Variants in SYNE2 observed in about 807,000 individuals in gnomAD.
SYNE2 encodes nesprin-2.
In SYNE2, 431 loss-of-function variants were observed where a neutral mutation model predicts 856.3. That is an observed-to-expected ratio of 0.50 (90% CI 0.47 to 0.55). The LOEUF (loss-of-function observed/expected upper bound fraction) is 0.55, where lower values mean the gene tolerates loss of function less well. Among genes scored for constraint, SYNE2 ranks in the 20% least tolerant of loss-of-function variants. The probability of loss-of-function intolerance (pLI) is 0.00; values close to 1 mark genes in which losing one functional copy is unlikely to be tolerated. For missense variants in SYNE2, 8,129 were observed against 8,023.2 expected (o/e 1.01, Z -0.50); for synonymous variants, 2,923 against 2,872.3 (o/e 1.02, Z -0.56).
chr14:63,770,792 C>T (rs1240388990), intron 1 of SYNE2, among the ~76,000 whole-genome samples: 1 of 152,116 alleles, frequency 6.6e-6, no homozygotes, highest in Non-Finnish European at 1.5e-5. Context: ...CCCATATCCA[C>T]TGTGTGAGCC....
chr14:64,116,835 A>C (rs2097856990), intron 66 of SYNE2, among the ~76,000 whole-genome samples: 1 of 152,256 alleles, frequency 6.6e-6, no homozygotes. Flanking sequence ...GGAAATTGGT[A>C]AGTGAATCAT....
intron 64 of SYNE2, among the ~76,000 whole-genome samples, chr14:64,105,892 T>G (rs1482574929): frequency 6.6e-6 from 1 of 151,812 alleles, no homozygotes. Flanking sequence ...AAACCCTGTC[T>G]CTGTAAAAAA....
intron 23 of SYNE2, among the ~76,000 whole-genome samples, chr14:63,995,444 C>G (rs1162257158): frequency 6.6e-6 from 1 of 152,010 alleles, no homozygotes; most frequent in Non-Finnish European, 1.5e-5. Flanking sequence ...TCTCAGTGGC[C>G]CCTGTCCTCA....
At chr14:64,078,291 A>G (rs1365836883) in intron 54 of SYNE2, among the ~76,000 whole-genome samples, 175 bp from the exon 55 acceptor site, 1 of 152,212 alleles carries the variant, frequency 6.6e-6, no homozygotes, top group Admixed American at 6.5e-5. Flanking sequence ...CACACCTGCC[A>G]TTTATTAGTC....
chr14:63,925,144 A>G (rs980669449), intron 2 of SYNE2, among the ~76,000 whole-genome samples: 20 of 151,688 alleles, frequency 1.3e-4, no homozygotes, highest in Non-Finnish European at 2.8e-4. Context: ...TCTAAAAATA[A>G]ATAGATAGAT....
chr14:64,215,373 A>C lies in SYNE2; in HGVS notation c.19402+19A>C. 1 of 1,612,928 alleles carries C rather than the reference A, an allele frequency of 6.2e-7. No individual in the cohort carries two copies. The highest frequency in any genetic ancestry group is 1.1e-5 in the South Asian group (1 of 91,064). On this transcript the variant is annotated intron_variant, in intron 107 of 115. Coordinates refer to ENST00000555002, the MANE Select transcript of SYNE2 (RefSeq NM_182914.3). ...TCTTCTGGTAGGCCCCCGCCCATGC[A>C]TGTGTCAACATGGCAGCATCCTGTG... is the stretch of plus-strand genomic sequence containing the variant.
chr14:63,811,268 T>A (rs770304600), intron 1 of SYNE2, among the ~76,000 whole-genome samples: 17 of 152,092 alleles, frequency 1.1e-4, no homozygotes, highest in Non-Finnish European at 2.1e-4. Flanking sequence ...TATTATTATT[T>A]TTTTTGATTC....
At chr14:64,138,334 C>T (rs746536165) in intron 79 of SYNE2, among the ~76,000 whole-genome samples, 7 of 152,048 alleles carry the variant, frequency 4.6e-5, no homozygotes, top group Middle Eastern at 3.2e-3. Context: ...TGGACTCAAG[C>T]GATCCTCCTG....
chr14:63,809,470 TG>T (rs2139821836), intron 1 of SYNE2, among the ~76,000 whole-genome samples: 1 of 152,030 alleles, frequency 6.6e-6, no homozygotes, highest in Non-Finnish European at 1.5e-5. Context: ...TATAATCAAG[TG>T]GGGTTTTTGT....
rs2098311367 is a variant in SYNE2 at position 64,159,460 on chromosome 14, A to T, written c.16094+18A>T. 1 of 1,612,172 alleles carries T rather than the reference A, an allele frequency of 6.2e-7. No homozygotes were observed. ...CATAAAAGGTATGCTTTCAGATATA[A>T]TTTGAATGATAGATATCTTTATCTT... On this transcript the variant is annotated intron_variant, in intron 87 of 115. Transcript: ENST00000555002.
intron 107 of SYNE2, 174 bp from the exon 108 acceptor site, chr14:64,216,074 G>T: frequency 6.6e-7 from 1 of 1,509,614 alleles, no homozygotes; most frequent in South Asian, 1.3e-5. Context: ...GCACAGTGTT[G>T]CTGAGTTGCA....
intron 10 of SYNE2, among the ~76,000 whole-genome samples, chr14:63,966,661 C>A (rs988526925): frequency 2.0e-5 from 3 of 151,668 alleles, no homozygotes; most frequent in African/African-American, 7.3e-5. Flanking sequence ...TGGGCTCAAG[C>A]CACTCTCCCA....
At chr14:63,960,886 T>A in intron 8 of SYNE2, 1 of 599,788 alleles carries the variant, frequency 1.7e-6, no homozygotes. Flanking sequence ...CTAAAAAAAA[T>A]AAAAAATAAG....
chr14:63,779,016 G>A (rs997009299), intron 1 of SYNE2, among the ~76,000 whole-genome samples: 7 of 152,004 alleles, frequency 4.6e-5, no homozygotes, highest in African/African-American at 1.7e-4. Flanking sequence ...TGGGAGGGAA[G>A]AAAGAAAGAA....
intron 1 of SYNE2, among the ~76,000 whole-genome samples, chr14:63,836,607 T>G (rs1298261629): frequency 6.6e-6 from 1 of 152,220 alleles, no homozygotes; most frequent in Non-Finnish European, 1.5e-5. Context: ...TTTTGTTGGT[T>G]GTGCCTTCAA....
Position 63,997,137 on chromosome 14 carries a change from C to T in SYNE2, c.3131C>T (p.Ala1044Val), listed in dbSNP as rs377209812. The T allele has an allele frequency of 6.2e-6, 10 of 1,613,810 alleles. No homozygotes were observed. The highest frequency in any genetic ancestry group is 2.2e-5 in the East Asian group (1 of 44,878). The change falls in exon 24 of 116, where the codon GCG becomes GTG. Residue 1044 changes from alanine to valine, a missense_variant. Coordinates refer to ENST00000555002, the MANE Select transcript of SYNE2 (RefSeq NM_182914.3). ...ATTCATATGACACTGCAGCCCACAGCGGGAGGCACGTCGAAAAACGAGTTA... is the reference window on the plus strand; with the variant it reads ...ATTCATATGACACTGCAGCCCACAGTGGGAGGCACGTCGAAAAACGAGTTA... ...SEIHMTLQPT[A>V]GGTSKNEGTI...
At chr14:64,027,351 C>G (rs900869965) in intron 42 of SYNE2, 133 bp from the exon 43 acceptor site, 2 of 604,578 alleles carry the variant, frequency 3.3e-6, no homozygotes, top group Non-Finnish European at 5.6e-6. Flanking sequence ...GTTCTAATAT[C>G]AAAAGAGTCT....
At chr14:64,036,113 A>C (rs552375194) in intron 45 of SYNE2, among the ~76,000 whole-genome samples, 104 of 150,480 alleles carry the variant, frequency 6.9e-4, no homozygotes, top group Non-Finnish European at 1.4e-3. Context: ...ACCTCAATGG[A>C]CTCTTTATTG....
intron 2 of SYNE2, among the ~76,000 whole-genome samples, chr14:63,927,125 C>CA (rs2095678250): frequency 6.6e-6 from 1 of 152,188 alleles, no homozygotes; most frequent in Non-Finnish European, 1.5e-5. Context: ...AAGGATTTTG[C>CA]TCATGTTGCT....
Sources: allele counts gnomAD v4.1 joint callset (sites outside exome capture counted in the v4.1 genomes callset), GRCh38; gene constraint gnomAD v4.1.1; transcripts MANE v1.5; gene names NCBI Gene and HGNC (gene_info 2026-07-23, HGNC 2026-07-21).